The following PTER variants were observed in gnomAD, a reference collection of about 807,000 sequenced individuals.
PTER encodes phosphotriesterase related.
A neutral mutation model predicts 29.6 loss-of-function variants in PTER; 38 were observed. The observed-to-expected ratio is 1.28, with a 90% confidence interval of 0.99 to 1.68. The LOEUF (loss-of-function observed/expected upper bound fraction) is 1.68, where lower values mean the gene tolerates loss of function less well. Among genes scored for constraint, PTER ranks in the 40% most tolerant of loss-of-function variants. PTER has a pLI of 0.00. For synonymous variants in PTER, 172 were observed against 154.5 expected, an observed-to-expected ratio of 1.11 and a Z score of -0.84; for missense variants, 482 against 427.8, an observed-to-expected ratio of 1.13 and a Z score of -1.12.
intron 1 of PTER, among the ~76,000 whole-genome samples, chr10:16,445,746 T>C (rs1833992155): frequency 3.3e-5 from 5 of 152,168 alleles, no homozygotes. Context: ...ATGTCTTCTC[T>C]GAAAACATTC....
chr10:16,469,285 A>G (rs546942929), intron 1 of PTER, among the ~76,000 whole-genome samples: 1 of 152,294 alleles, frequency 6.6e-6, no homozygotes, highest in Admixed American at 6.5e-5. Context: ...AGGTGAGTGC[A>G]GAGTGGGTTC....
intron 1 of PTER, among the ~76,000 whole-genome samples, chr10:16,441,382 C>A (rs11253991): frequency 6.6e-6 from 1 of 151,836 alleles, no homozygotes; most frequent in Non-Finnish European, 1.5e-5. Flanking sequence ...TTGACTAATA[C>A]GTTTTTTTTC....
chr10:16,443,897 CT>C (rs1326874313), intron 1 of PTER, among the ~76,000 whole-genome samples: 1 of 152,074 alleles, frequency 6.6e-6, no homozygotes, highest in Non-Finnish European at 1.5e-5. Flanking sequence ...GTATCTTGTG[CT>C]CATCTTGCTT....
At chr10:16,442,690 A>G (rs1833887537) in intron 1 of PTER, among the ~76,000 whole-genome samples, 1 of 152,066 alleles carries the variant, frequency 6.6e-6, no homozygotes, top group Non-Finnish European at 1.5e-5. Context: ...ATAAATTCAG[A>G]GCCTGCAGGC....
At position 16,474,981 on chromosome 10, in the gene PTER, A is replaced by G. The variant is rs80254225; in HGVS notation, c.-48-9356A>G. On this transcript the variant is annotated intron_variant, in intron 1 of 4. Coordinates refer to ENST00000535784, the MANE Select transcript of PTER (RefSeq NM_001261836.2). ...GCAGATTTGGTGTCTGGGAGGGCCT[A>G]TGTCCTGGTTTGCAGATGGTCATCT... Among the ~76,000 whole-genome samples, 901 of 152,286 alleles carry G rather than the reference A, an allele frequency of 5.9e-3. 5 individuals are homozygous for G. Among genetic ancestry groups the G allele is most frequent in the Middle Eastern group, 0.01 (3 of 294 alleles).
chr10:16,468,966 C>A (rs1023428643), intron 1 of PTER, among the ~76,000 whole-genome samples: 5 of 150,612 alleles, frequency 3.3e-5, no homozygotes, highest in Admixed American at 2.0e-4. Flanking sequence ...CAGAGTGAGA[C>A]CCTGTCTCTT....
chr10:16,483,367 G>A (rs919958607), intron 1 of PTER, among the ~76,000 whole-genome samples: 19 of 152,142 alleles, frequency 1.2e-4, no homozygotes, highest in Non-Finnish European at 7.3e-5. Flanking sequence ...AACCTGAAGA[G>A]GTTCGTTTCT....
intron 3 of PTER, among the ~76,000 whole-genome samples, chr10:16,493,937 T>A (rs1049760203): frequency 1.3e-5 from 2 of 152,328 alleles, no homozygotes; most frequent in Non-Finnish European, 2.9e-5. Flanking sequence ...AGGGAAACGC[T>A]GGCCATGTGC....
At chr10:16,480,259 G>C (rs1408321715) in intron 1 of PTER, among the ~76,000 whole-genome samples, 1 of 147,244 alleles carries the variant, frequency 6.8e-6, no homozygotes, top group African/African-American at 2.5e-5. Flanking sequence ...GCGCAATCTT[G>C]ACTCACTGCA....
At chr10:16,441,489 G>A (rs1258727985) in intron 1 of PTER, among the ~76,000 whole-genome samples, 1 of 152,114 alleles carries the variant, frequency 6.6e-6, no homozygotes, top group Non-Finnish European at 1.5e-5. Context: ...TGTCCTAGGG[G>A]CAGTGTGTTC....
chr10:16,475,658 G>C (rs1835233695), intron 1 of PTER, among the ~76,000 whole-genome samples: 1 of 152,154 alleles, frequency 6.6e-6, no homozygotes, highest in Non-Finnish European at 1.5e-5. Flanking sequence ...AGGTCATCAT[G>C]GAGACTAACC....
intron 1 of PTER, among the ~76,000 whole-genome samples, chr10:16,457,084 CCCTT>C (rs764107564): frequency 6.6e-6 from 1 of 152,288 alleles, no homozygotes; most frequent in South Asian, 2.1e-4. Context: ...CATGAAAACA[CCCTT>C]CTTTCTTCCC....
intron 1 of PTER, among the ~76,000 whole-genome samples, chr10:16,455,891 C>T (rs1834376227): frequency 1.3e-5 from 2 of 152,138 alleles, no homozygotes; most frequent in South Asian, 4.1e-4. Context: ...TAACTTTGAG[C>T]ACTTAGAGAA....
At chr10:16,498,151 G>A (rs571298300) in intron 3 of PTER, among the ~76,000 whole-genome samples, 2 of 152,310 alleles carry the variant, frequency 1.3e-5, no homozygotes, top group South Asian at 2.1e-4. Flanking sequence ...TTGAAGATGG[G>A]ACTTTTCTTC....
At chr10:16,467,873 T>C (rs189902479) in intron 1 of PTER, among the ~76,000 whole-genome samples, 5 of 152,190 alleles carry the variant, frequency 3.3e-5, no homozygotes, top group African/African-American at 2.4e-5. Flanking sequence ...TACAGGAAAG[T>C]TGAAAAAGCA....
intron 3 of PTER, among the ~76,000 whole-genome samples, chr10:16,499,638 T>A (rs1836254526): frequency 6.6e-6 from 1 of 151,872 alleles, no homozygotes; most frequent in South Asian, 2.1e-4. Flanking sequence ...GAAATGGGGT[T>A]TTGCCATGTT....
chr10:16,504,980 G>A (rs1262676672), intron 3 of PTER, 40 bp from the exon 4 acceptor site: 2 of 1,606,856 alleles, frequency 1.2e-6, no homozygotes, highest in Non-Finnish European at 1.7e-6. Context: ...TGGAAAATGG[G>A]CTCTTCATAA....
At chr10:16,508,636 G>A (rs1301111237) in intron 4 of PTER, among the ~76,000 whole-genome samples, 1 of 151,964 alleles carries the variant, frequency 6.6e-6, no homozygotes, top group Non-Finnish European at 1.5e-5. Flanking sequence ...GCTAAATATA[G>A]CTATTCTGGA....
At chr10:16,496,354 G>A (rs964429454) in intron 3 of PTER, among the ~76,000 whole-genome samples, 3 of 152,112 alleles carry the variant, frequency 2.0e-5, no homozygotes, top group Admixed American at 2.0e-4. Flanking sequence ...TGGTTCCCTC[G>A]CCTCCCTCCA....
Sources: allele counts gnomAD v4.1 joint callset (sites outside exome capture counted in the v4.1 genomes callset), GRCh38; gene constraint gnomAD v4.1.1; transcripts MANE v1.5; gene names NCBI Gene and HGNC (gene_info 2026-07-23, HGNC 2026-07-21).